The following ZNF568 variants were observed in gnomAD, a reference collection of about 807,000 sequenced individuals.
The protein encoded by ZNF568 is zinc finger protein 568, also known as p53 inhibitor of SCO2 activation.
Under a neutral mutation model 18.1 loss-of-function variants are expected in ZNF568, and 11 were observed. That is an observed-to-expected ratio of 0.61 (90% CI 0.38 to 1.00). ZNF568 has a LOEUF of 1.00. Ranked by LOEUF, ZNF568 falls within the 50% of genes least tolerant of loss-of-function variation. ZNF568 has a pLI of 0.01. For synonymous variants in ZNF568, 213 were observed against 246.6 expected, an observed-to-expected ratio of 0.86 and a Z score of 1.28; for missense variants, 639 against 768.2, an observed-to-expected ratio of 0.83 and a Z score of 1.99.
chr19:36,936,730 C>G lies in ZNF568; in HGVS notation c.136-16C>G. The stretch of plus-strand genomic sequence containing the variant: ...ATTTTGATGACTTCAAATTAATTAG[C>G]ATTATGTTTTTACAGGAAACAGTGA... On this transcript the variant is annotated splice_polypyrimidine_tract_variant and intron_variant, in intron 4 of 6. Coordinates refer to ENST00000333987, the MANE Select transcript of ZNF568 (RefSeq NM_198539.4). 6.2e-7 allele frequency: 1 copy of G among 1,607,888 alleles called. No homozygotes were observed. The highest frequency in any genetic ancestry group is 1.1e-5 in the South Asian group (1 of 90,510).
intron 3 of ZNF568, chr19:36,991,563 G>A: frequency 1.6e-6 from 1 of 623,736 alleles, no homozygotes; most frequent in East Asian, 2.8e-5. Context: ...ATGGTTAAGT[G>A]GAATCACATA....
downstream of ZNF568, among the ~76,000 whole-genome samples, chr19:36,982,469 C>T (rs1471524652): frequency 1.3e-5 from 2 of 152,082 alleles, no homozygotes; most frequent in South Asian, 2.1e-4. Flanking sequence ...GAGGCTTAGT[C>T]GAGCAGATCA....
At chr19:36,920,602 C>CA (rs1286754033) in intron 2 of ZNF568, among the ~76,000 whole-genome samples, 3 of 142,522 alleles carry the variant, frequency 2.1e-5, no homozygotes, top group Admixed American at 7.1e-5. Flanking sequence ...GCCTGGGTGA[C>CA]AGAGTGAGAC....
At chr19:36,997,467 G>T (rs760569140), downstream of ZNF568, 11 of 1,587,642 alleles carry the variant, frequency 6.9e-6, no homozygotes, top group Non-Finnish European at 9.4e-6. Context: ...GACCCCATAA[G>T]TGTAAGGAAT....
intron 6 of ZNF568, among the ~76,000 whole-genome samples, chr19:36,971,493 T>C (rs1471876479): frequency 1.3e-5 from 2 of 152,192 alleles, no homozygotes; most frequent in African/African-American, 4.8e-5. Context: ...GACTACTTTT[T>C]AACTGAAAAG....
At chr19:36,949,081 T>A (rs1327071966) in intron 6 of ZNF568, among the ~76,000 whole-genome samples, 2 of 152,218 alleles carry the variant, frequency 1.3e-5, no homozygotes, top group Non-Finnish European at 2.9e-5. Flanking sequence ...TTTAACCCTT[T>A]ATTCCTTCAC....
chr19:36,970,793 T>C (rs1323855505), intron 6 of ZNF568, among the ~76,000 whole-genome samples: 1 of 152,178 alleles, frequency 6.6e-6, no homozygotes, highest in Non-Finnish European at 1.5e-5. Flanking sequence ...TGTACATACT[T>C]TAAAATATCT....
intron 4 of ZNF568, among the ~76,000 whole-genome samples, chr19:36,933,543 A>G (rs1419318099): frequency 6.6e-6 from 1 of 152,130 alleles, no homozygotes; most frequent in Non-Finnish European, 1.5e-5. Context: ...TACATTAATT[A>G]TCAGATGTTA....
At position 36,949,875 on chromosome 19, in the gene ZNF568, A is replaced by G. The variant is rs1230618276; in HGVS notation, c.722A>G (p.Glu241Gly). The G allele has an allele frequency of 5.0e-6, 8 of 1,613,982 alleles. No homozygotes were observed. The highest frequency in any genetic ancestry group is 5.9e-6 in the Non-Finnish European group (7 of 1,179,934). ...CATAAATTTGACCTCATTAGACATGAGCGAATTCATGCTGGAGAGAAACCT... is the reference window on the plus strand; with the variant it reads ...CATAAATTTGACCTCATTAGACATGGGCGAATTCATGCTGGAGAGAAACCT... ...FSHKFDLIRH[E>G]RIHAGEKPYE... is the part of the protein sequence containing the mutation. The change falls in exon 7 of 7, where the codon GAG becomes GGG. Residue 241 changes from glutamate (E) to glycine (G), a missense_variant. Coordinates refer to ENST00000333987, the MANE Select transcript of ZNF568 (RefSeq NM_198539.4).
exon 3 of ZNF568, chr19:36,991,223 G>T: frequency 6.5e-7 from 1 of 1,536,386 alleles, no homozygotes; most frequent in Non-Finnish European, 8.7e-7. Flanking sequence ...AAAAGGAGTG[G>T]GAATGCTTGC....
chr19:36,953,721 G>C (rs2074086343), downstream of ZNF568, among the ~76,000 whole-genome samples: 1 of 152,020 alleles, frequency 6.6e-6, no homozygotes, highest in Admixed American at 6.6e-5. Context: ...AGACCAGTCT[G>C]GTCAACAGGA....
At chr19:36,978,993 T>TC in intron 7 of ZNF568, 1 of 363,620 alleles carries the variant, frequency 2.8e-6, no homozygotes, top group Non-Finnish European at 5.3e-6. Context: ...TTTTTTTTTT[T>TC]TTTTTTTGAG....
chr19:36,926,153 G>C (rs4806377), intron 4 of ZNF568, among the ~76,000 whole-genome samples: 27,014 of 151,978 alleles, frequency 0.18, 2,410 homozygotes, highest in African/African-American at 0.21. Flanking sequence ...TTATAGTTCT[G>C]ATATCCATAG....
At chr19:36,920,619 T>TA (rs35877781) in intron 2 of ZNF568, among the ~76,000 whole-genome samples, 57,618 of 139,596 alleles carry the variant, frequency 0.41, 11,724 homozygotes, top group Non-Finnish European at 0.44. Context: ...AGACTCCATC[T>TA]AAAAAAAAAA....
chr19:36,997,295 G>A (rs1345748), downstream of ZNF568: 841,642 of 1,600,670 alleles, frequency 0.53, 223,393 homozygotes, highest in African/African-American at 0.61. Flanking sequence ...GAGAAACCCT[G>A]TAAGTGTAAG....
intron 6 of ZNF568, among the ~76,000 whole-genome samples, chr19:36,962,869 T>C (rs1855431446): frequency 6.6e-6 from 1 of 152,174 alleles, no homozygotes; most frequent in Non-Finnish European, 1.5e-5. Context: ...GTTTCTTTTA[T>C]AGGTGACTAG....
At chr19:36,920,255 G>T (rs1385429784) in intron 2 of ZNF568, among the ~76,000 whole-genome samples, 1 of 151,984 alleles carries the variant, frequency 6.6e-6, no homozygotes, top group East Asian at 1.9e-4. Flanking sequence ...AGGATATAAA[G>T]AAAAAATATT....
chr19:36,988,430 G>A (rs2074395333), intron 2 of ZNF568, among the ~76,000 whole-genome samples: 1 of 152,178 alleles, frequency 6.6e-6, no homozygotes, highest in African/African-American at 2.4e-5. Flanking sequence ...TCCGCTTCTG[G>A]GGGTGCTCAG....
At chr19:36,921,226 C>G (rs969320256) in intron 2 of ZNF568, among the ~76,000 whole-genome samples, 1 of 152,150 alleles carries the variant, frequency 6.6e-6, no homozygotes, top group African/African-American at 2.4e-5. Context: ...CTTTGAGAGG[C>G]TGAGGCCAGC....
Sources: gnomAD v4.1 joint callset for allele counts (sites outside exome capture counted in the v4.1 genomes callset) on GRCh38, gnomAD v4.1.1 for gene constraint, MANE v1.5 for transcripts, NCBI Gene and HGNC (gene_info 2026-07-23, HGNC 2026-07-21) for gene names.